The following MKLN1 variants were observed in gnomAD, a reference collection of about 807,000 sequenced individuals.
The protein encoded by MKLN1 is muskelin.
MKLN1 carries 18 observed loss-of-function variants against 99.0 expected under a neutral mutation model. The ratio of observed to expected loss-of-function variants is 0.18; its 90% CI spans 0.13 to 0.27. MKLN1 has a LOEUF of 0.27. MKLN1 is among the 10% of genes least tolerant of loss of function. The pLI, the probability that MKLN1 is intolerant of heterozygous loss-of-function variation, is 1.00. For missense variants in MKLN1, 621 were observed against 875.9 expected, an observed-to-expected ratio of 0.71 and a Z score of 3.67; for synonymous variants, 288 against 293.2, an observed-to-expected ratio of 0.98 and a Z score of 0.18.
intron 2 of MKLN1, among the ~76,000 whole-genome samples, chr7:131,174,726 A>G (rs1330623431): frequency 6.6e-6 from 1 of 152,204 alleles, no homozygotes; most frequent in Non-Finnish European, 1.5e-5. Flanking sequence ...GATTGTTTTA[A>G]TATAGTTCTC....
intron 3 of MKLN1, among the ~76,000 whole-genome samples, chr7:131,304,445 G>C (rs2116625743): frequency 6.6e-6 from 1 of 152,330 alleles, no homozygotes; most frequent in East Asian, 1.9e-4. Context: ...TCTAGATTGA[G>C]ATGTGTAAAC....
At chr7:131,417,619 A>G (rs1044711245) in intron 8 of MKLN1, among the ~76,000 whole-genome samples, 4 of 152,210 alleles carry the variant, frequency 2.6e-5, no homozygotes, top group African/African-American at 9.7e-5. Flanking sequence ...GATGGCATAT[A>G]AAACATTTGG....
At chr7:131,390,038 A>G (rs910706549) in intron 4 of MKLN1, among the ~76,000 whole-genome samples, 13 of 152,200 alleles carry the variant, frequency 8.5e-5, no homozygotes, top group Non-Finnish European at 5.9e-5. Flanking sequence ...TGGGAGAATA[A>G]TTACTCTTTT....
chr7:131,469,493 G>C (rs935386169), intron 15 of MKLN1, among the ~76,000 whole-genome samples: 6 of 152,186 alleles, frequency 3.9e-5, no homozygotes, highest in Admixed American at 2.6e-4. Context: ...AGATGGTAAA[G>C]TAACATGGTC....
chr7:131,400,591 G>A (rs1794510757), intron 6 of MKLN1, among the ~76,000 whole-genome samples: 1 of 149,574 alleles, frequency 6.7e-6, no homozygotes, highest in Admixed American at 6.6e-5. Context: ...CATAAGATGA[G>A]GGAGGCATAG....
intron 3 of MKLN1, among the ~76,000 whole-genome samples, chr7:131,289,932 G>A (rs927536557): frequency 6.6e-6 from 1 of 152,134 alleles, no homozygotes; most frequent in African/African-American, 2.4e-5. Context: ...TTCTTCTAGG[G>A]GAACACATGA....
At chr7:131,286,419 G>T (rs1798133188) in intron 3 of MKLN1, among the ~76,000 whole-genome samples, 1 of 152,196 alleles carries the variant, frequency 6.6e-6, no homozygotes, top group Non-Finnish European at 1.5e-5. Context: ...TGGAGGACAT[G>T]CTAAAAGTAA....
intron 2 of MKLN1, among the ~76,000 whole-genome samples, chr7:131,171,621 T>A (rs1796217644): frequency 6.6e-6 from 1 of 152,000 alleles, no homozygotes; most frequent in African/African-American, 2.4e-5. Flanking sequence ...CATGGCCAGC[T>A]AACTTTTTGT....
intron 3 of MKLN1, among the ~76,000 whole-genome samples, chr7:131,309,133 T>G (rs1798516406): frequency 1.3e-5 from 2 of 152,228 alleles, no homozygotes; most frequent in Non-Finnish European, 2.9e-5. Flanking sequence ...TATCTTACAA[T>G]AAACCCCATC....
chr7:131,285,913 G>T (rs568565706), intron 3 of MKLN1, among the ~76,000 whole-genome samples: 6 of 151,288 alleles, frequency 4.0e-5, no homozygotes, highest in African/African-American at 1.5e-4. Flanking sequence ...ACTGACTTGG[G>T]ATCATGCCTT....
At chr7:131,147,029 G>A (rs1040404259) in intron 2 of MKLN1, among the ~76,000 whole-genome samples, 2 of 151,938 alleles carry the variant, frequency 1.3e-5, no homozygotes, top group African/African-American at 4.8e-5. Context: ...TCTGATATTT[G>A]ATTATGTTTT....
intron 3 of MKLN1, among the ~76,000 whole-genome samples, chr7:131,224,965 C>T (rs1333821560): frequency 6.6e-6 from 1 of 150,716 alleles, no homozygotes; most frequent in Non-Finnish European, 1.5e-5. Context: ...CCCAGCTACT[C>T]GGGAGGCTGA....
At chr7:131,465,570 G>A (rs906139973) in intron 14 of MKLN1, among the ~76,000 whole-genome samples, 22 of 151,502 alleles carry the variant, frequency 1.5e-4, no homozygotes, top group East Asian at 5.8e-4. Context: ...ACGGAGTCTC[G>A]GTCTGTTGCC....
At chr7:131,273,408 G>A (rs912100822) in intron 3 of MKLN1, among the ~76,000 whole-genome samples, 1 of 152,170 alleles carries the variant, frequency 6.6e-6, no homozygotes, top group Non-Finnish European at 1.5e-5. Context: ...AGTGGCCTGT[G>A]GGGTGCCCCT....
chr7:131,391,188 AGC>A (rs1028292979), intron 4 of MKLN1, among the ~76,000 whole-genome samples: 20 of 152,118 alleles, frequency 1.3e-4, no homozygotes, highest in Admixed American at 1.3e-3. Context: ...AATGATGTAT[AGC>A]TCTCTTTTGA....
chr7:131,438,722 AG>A (rs1223851205), intron 10 of MKLN1, among the ~76,000 whole-genome samples: 1 of 151,830 alleles, frequency 6.6e-6, no homozygotes, highest in Non-Finnish European at 1.5e-5. Context: ...CCATGTCCAA[AG>A]TTTTTTTTGA....
intron 6 of MKLN1, among the ~76,000 whole-genome samples, chr7:131,400,518 A>AAAAAATATAT (rs527702723): frequency 2.9e-5 from 4 of 137,436 alleles, no homozygotes; most frequent in South Asian, 2.3e-4. Context: ...ATAAAAAAAA[A>AAAAAATATAT]ATATATATAT....
chr7:131,310,933 A>G (rs1167341648), intron 3 of MKLN1, among the ~76,000 whole-genome samples: 1 of 152,128 alleles, frequency 6.6e-6, no homozygotes, highest in Non-Finnish European at 1.5e-5. Context: ...CAATTGTTAT[A>G]AAGTATAAAT....
intron 12 of MKLN1, among the ~76,000 whole-genome samples, chr7:131,447,268 A>G (rs945548838): frequency 2.8e-4 from 43 of 152,352 alleles, no homozygotes; most frequent in African/African-American, 9.4e-4. Context: ...GGACCTGAAT[A>G]GGTAATAACA....
Sources: allele counts gnomAD v4.1 joint callset (sites outside exome capture counted in the v4.1 genomes callset), GRCh38; gene constraint gnomAD v4.1.1; transcripts MANE v1.5; gene names NCBI Gene and HGNC (gene_info 2026-07-23, HGNC 2026-07-21).